Variants in MPIG6B observed in about 807,000 individuals in gnomAD.
MPIG6B encodes the protein immunoglobulin receptor.
A neutral mutation model predicts 24.2 loss-of-function variants in MPIG6B; 22 were observed. That is an observed-to-expected ratio of 0.91 (90% CI 0.65 to 1.30). The LOEUF is 1.30. Ranked by LOEUF, MPIG6B falls within the 50% of genes most tolerant of loss-of-function variation. MPIG6B has a pLI of 0.00. For synonymous variants in MPIG6B, 136 were observed against 142.0 expected, an observed-to-expected ratio of 0.96 and a Z score of 0.30; for missense variants, 301 against 318.5, an observed-to-expected ratio of 0.94 and a Z score of 0.42.
rs767936960 is a variant in MPIG6B at position 31,724,792 on chromosome 6, G to A, written c.569G>A (p.Arg190Lys). ...CCACTTGTGAAAACCGAGCCCCAGA[G>A]GCCAGTAAAGGAGGAAGAGCCCAAG... The part of the protein sequence containing the change: ...FAPLVKTEPQ[R>K]PVKEEEPKIP... The change falls in exon 5 of 6, where the codon AGG becomes AAG. Residue 190 changes from arginine to lysine, a missense_variant. Transcript: ENST00000649779. 1 of 1,614,028 alleles carries A rather than the reference G, an allele frequency of 6.2e-7. No individual in the cohort carries two copies.
Position 31,725,080 on chromosome 6 carries a change from A to C in MPIG6B, c.*6A>C. On this transcript the variant is annotated 3_prime_UTR_variant, in exon 6 of 6. Coordinates refer to ENST00000649779, the MANE Select transcript of MPIG6B (RefSeq NM_138272.3). This position sits in a 1 kb window ranked among gnomAD's most constrained non-coding sequence, Gnocchi z 5.2. ...TCTATGCAGTTGTAGTTTGAAGGGAAGCCCTTACTCCAAACCTCCCAAGCT... is the reference window on the plus strand; with the variant it reads ...TCTATGCAGTTGTAGTTTGAAGGGACGCCCTTACTCCAAACCTCCCAAGCT... 6.2e-7 allele frequency: 1 copy of C among 1,607,080 alleles called. No individual in the cohort carries two copies. The highest frequency in any genetic ancestry group is 8.5e-7 in the Non-Finnish European group (1 of 1,174,602).
chr6:31,724,400 C>A, intron 3 of MPIG6B, 168 bp downstream of exon 3: 1 of 745,038 alleles, frequency 1.3e-6, no homozygotes, highest in South Asian at 1.6e-5. Flanking sequence ...GTGAGTAGAG[C>A]CCCACCAGAG....
rs1807379486 is a variant in MPIG6B at position 31,726,524 on chromosome 6, G to A, written c.*1450G>A. ...AGGTGACCCTCCTTGGCCACCCCTTGCATATACTTTGATGCCCTAGGGCGC... is the reference window on the plus strand; with the variant it reads ...AGGTGACCCTCCTTGGCCACCCCTTACATATACTTTGATGCCCTAGGGCGC... On this transcript the variant is annotated 3_prime_UTR_variant, in exon 6 of 6. Coordinates refer to ENST00000649779, the MANE Select transcript of MPIG6B (RefSeq NM_138272.3). The surrounding 1 kb of genome is among the most constrained non-coding windows in gnomAD (Gnocchi z 5.1). 6.6e-6 allele frequency: 1 copy of A among 152,174 alleles called. No individual in the cohort carries two copies. The allele number at this position is 152,174 out of a possible 1,614,324, so 9.4% of individuals were successfully genotyped here.
chr6:31,724,052 C>T, intron 2 of MPIG6B, 66 bp downstream of exon 2: 1 of 1,570,082 alleles, frequency 6.4e-7, no homozygotes, highest in South Asian at 1.2e-5. Context: ...GGGAAGAGGG[C>T]CTTGGCTGGG....
chr6:31,725,960 C>T lies in MPIG6B; in HGVS notation c.*886C>T, dbSNP rs545431285. ...CTCCTCTGTATTCTCTTTAACAACC[C>T]AGTTGCCCAACCCAGAAACTGGGAG... is the stretch of plus-strand genomic sequence containing the variant. On this transcript the variant is annotated 3_prime_UTR_variant, in exon 6 of 6. Coordinates refer to ENST00000649779, the MANE Select transcript of MPIG6B (RefSeq NM_138272.3). This position sits in a 1 kb window ranked among gnomAD's most constrained non-coding sequence, Gnocchi z 5.2. 2 of 152,536 alleles carry T rather than the reference C, an allele frequency of 1.3e-5. No homozygotes were observed. The highest frequency in any genetic ancestry group is 4.8e-5 in the African/African-American group (2 of 41,562). 9.4% of individuals were successfully genotyped at this position (152,536 alleles called of 1,614,324 possible).
In MPIG6B at chr6:31,723,930, C is replaced by G; in HGVS notation, c.353C>G (p.Thr118Arg). ...CKGRHEDESR[T>R]VLHVLGDRTY... is the part of the protein sequence containing the mutation. The stretch of plus-strand genomic sequence containing the variant: ...GGCCGCCACGAGGACGAGAGCCGTA[C>G]AGTGCTTCACGTGCTGGGGGACAGG... The change falls in exon 2 of 6, where the codon ACA becomes AGA. Residue 118 changes from threonine to arginine, a missense_variant. Transcript: ENST00000649779. The surrounding 1 kb of genome is among the most constrained non-coding windows in gnomAD (Gnocchi z 4.3). The G allele has an allele frequency of 6.3e-7, 1 of 1,579,688 alleles. No homozygotes were observed. Among genetic ancestry groups the G allele is most frequent in the Non-Finnish European group, 8.6e-7 (1 of 1,161,936 alleles).
At chr6:31,723,292 C>A, upstream of MPIG6B, 1 of 1,040,866 alleles carries the variant, frequency 9.6e-7, no homozygotes, top group Non-Finnish European at 1.5e-6. This position sits in a 1 kb window ranked among gnomAD's most constrained non-coding sequence, Gnocchi z 4.3. Flanking sequence ...CCAGCCCCTC[C>A]GTTCTCCCCA....
chr6:31,721,526 G>A (rs2151295095), upstream of MPIG6B: 2 of 1,040,500 alleles, frequency 1.9e-6, no homozygotes, highest in Non-Finnish European at 2.9e-6. Context: ...GGGGCTGGGG[G>A]TGTTGGGATC....
upstream of MPIG6B, chr6:31,721,786 G>A: frequency 8.7e-7 from 1 of 1,146,338 alleles, no homozygotes. Context: ...AAACCCAAAG[G>A]CTCCTCCCTT....
rs749691617 is a variant in MPIG6B at position 31,723,886 on chromosome 6, G to A, written c.309G>A (p.Ser103=). The change falls in exon 2 of 6, where the codon TCG becomes TCA. Residue 103 remains serine (S), a synonymous_variant. Coordinates refer to ENST00000649779, the MANE Select transcript of MPIG6B (RefSeq NM_138272.3). This position sits in a 1 kb window ranked among gnomAD's most constrained non-coding sequence, Gnocchi z 4.3. ...RLELLLSAGD[S]GTFFCKGRHE... ...AGCTCCTCTTGAGCGCGGGGGACTC[G>A]GGCACTTTTTTCTGCAAGGGCCGCC... 3.7e-6 allele frequency: 6 copies of A among 1,608,500 alleles called. No homozygotes were observed. Among genetic ancestry groups the A allele is most frequent in the East Asian group, 2.2e-5 (1 of 44,824 alleles).
In MPIG6B at chr6:31,726,449, G is replaced by C. The variant is rs1225865648; in HGVS notation, c.*1375G>C. 1 of 152,080 alleles carries C rather than the reference G, an allele frequency of 6.6e-6. No homozygotes were observed. Among genetic ancestry groups the C allele is most frequent in the Non-Finnish European group, 1.5e-5 (1 of 68,034 alleles). The allele number at this position is 152,080 out of a possible 1,614,324, so 9.4% of individuals were successfully genotyped here. A position where few individuals can be genotyped will look rare whatever the true frequency, so the allele number is the denominator to read the frequency against. On this transcript the variant is annotated 3_prime_UTR_variant, in exon 6 of 6. Transcript: ENST00000649779. This position sits in a 1 kb window ranked among gnomAD's most constrained non-coding sequence, Gnocchi z 5.1. ...CCCCTTTCCCTCCTTCACACTATCT[G>C]CCTGGCTAATTCTTATTTATCCTTA...
intron 4 of MPIG6B, 31 bp downstream of exon 4, chr6:31,724,658 C>G (rs369213399): frequency 1.4e-5 from 23 of 1,610,432 alleles, no homozygotes; most frequent in Non-Finnish European, 2.0e-5. Context: ...TTTTCTTTCT[C>G]CTACATGCCC....
At position 31,724,024 on chromosome 6, in the gene MPIG6B, C is replaced by A. The variant is rs995443198; in HGVS notation, c.409+38C>A. ...CTGTGCGCACAAGGGTACTTAACTC[C>A]GACACATACCCGGAGGAGGGAAGAG... On this transcript the variant is annotated intron_variant, in intron 2 of 5. Transcript: ENST00000649779. 1.9e-6 allele frequency: 3 copies of A among 1,560,256 alleles called. No homozygotes were observed. In the African/African-American group the frequency reaches 4.1e-5, roughly 21 times the overall value.
chr6:31,724,099 AC>A (rs1286735814), intron 2 of MPIG6B, 42 bp from the exon 3 acceptor site: 6 of 1,584,976 alleles, frequency 3.8e-6, no homozygotes, highest in African/African-American at 1.3e-5. Flanking sequence ...CCCTCGTCAA[AC>A]CCCTGACCTC....
upstream of MPIG6B, chr6:31,721,679 T>G: frequency 1.2e-6 from 2 of 1,613,974 alleles, no homozygotes; most frequent in Non-Finnish European, 1.7e-6. Context: ...AGGGCTTTCA[T>G]GGCGAGGGTC....
In MPIG6B at chr6:31,723,388, C is replaced by A. The variant is rs1160490920; in HGVS notation, c.5C>A (p.Ala2Asp). The A allele has an allele frequency of 6.8e-6, 11 of 1,612,422 alleles. No homozygotes were observed. The highest frequency in any genetic ancestry group is 9.3e-6 in the Non-Finnish European group (11 of 1,179,712). The change falls in exon 1 of 6, where the codon GCT becomes GAT. Residue 2 changes from alanine to aspartate, a missense_variant. Transcript: ENST00000649779. This position sits in a 1 kb window ranked among gnomAD's most constrained non-coding sequence, Gnocchi z 4.3. M[A>D]VFLQLLPLLL... ...TCTCCTCACCACATCCTAACCATGGCTGTGTTTCTGCAGCTGCTACCGCTG... is the reference window on the plus strand; with the variant it reads ...TCTCCTCACCACATCCTAACCATGGATGTGTTTCTGCAGCTGCTACCGCTG...
chr6:31,721,766 T>A, upstream of MPIG6B: 1 of 1,429,070 alleles, frequency 7.0e-7, no homozygotes, highest in Non-Finnish European at 9.8e-7. Flanking sequence ...GTGGCCTTTT[T>A]GGAATTTATA....
chr6:31,723,268 C>CT, upstream of MPIG6B: 2 of 744,930 alleles, frequency 2.7e-6, no homozygotes, highest in Non-Finnish European at 4.6e-6. This position sits in a 1 kb window ranked among gnomAD's most constrained non-coding sequence, Gnocchi z 4.3. Flanking sequence ...CGCCCCCTCT[C>CT]TTATCGGAGC....
rs1807026051 is a variant in MPIG6B at position 31,723,717 on chromosome 6, C to T, written c.140C>T (p.Ala47Val). 1 of 1,612,528 alleles carries T rather than the reference C, an allele frequency of 6.2e-7. No homozygotes were observed. The highest frequency in any genetic ancestry group is 8.5e-7 in the Non-Finnish European group (1 of 1,179,726). Residue 47 changes from alanine to valine, a missense_variant, in exon 2 of 6, where the codon GCA becomes GTA. Ala to Val is a moderately conservative substitution (Grantham distance 64, BLOSUM62 0). Coordinates refer to ENST00000649779, the MANE Select transcript of MPIG6B (RefSeq NM_138272.3). The surrounding 1 kb of genome is among the most constrained non-coding windows in gnomAD (Gnocchi z 4.3). ...TCTCATCCCATCCGCTGGGTCTGGG[C>T]ACCCAGCTTCCCGGCCTGCAAGGGC... ...GVSHPIRWVW[A>V]PSFPACKGLS...
Sources: allele counts gnomAD v4.1 joint callset, GRCh38; gene constraint gnomAD v4.1.1; non-coding constraint Gnocchi (gnomAD v3.1); transcripts MANE v1.5; gene names NCBI Gene and HGNC (gene_info 2026-07-23, HGNC 2026-07-21).